GEN1: variants seen among roughly 807,000 people sequenced by gnomAD.
GEN1 encodes GEN1 structure-specific endonuclease, also known as flap endonuclease GEN homolog 1.
A neutral mutation model predicts 67.6 loss-of-function variants in GEN1; 64 were observed. The observed-to-expected ratio is 0.95, with a 90% CI of 0.77 to 1.17. The LOEUF (loss-of-function observed/expected upper bound fraction) is 1.17, where lower values mean the gene tolerates loss of function less well. Among genes scored for constraint, GEN1 ranks in the 50% most tolerant of loss-of-function variants. GEN1 has a pLI of 0.00. For synonymous variants in GEN1, 371 were observed against 359.4 expected (o/e 1.03, Z -0.37); for missense variants, 1,058 against 1,048.3 (o/e 1.01, Z -0.13).
chr2:17,770,833 CAG>C (rs1473093099), intron 6 of GEN1, among the ~76,000 whole-genome samples: 4 of 151,624 alleles, frequency 2.6e-5, no homozygotes, highest in Admixed American at 6.6e-5. Context: ...CTCTGGCACA[CAG>C]AGTCAGTCTG....
chr2:17,768,934 T>C (rs188253901), intron 6 of GEN1, 123 bp downstream of exon 6: 416 of 514,926 alleles, frequency 8.1e-4, no homozygotes, highest in African/African-American at 7.3e-3. Context: ...TGACCTATAT[T>C]TTGTTTGATT....
chr2:17,756,332 G>A lies in GEN1; in HGVS notation c.-16+1987G>A, dbSNP rs149253944. ...AGGTTTATAAAGTTATTTGCTATGT[G>A]TTGTTCTTACATCATTGATTCATGT... is the stretch of plus-strand genomic sequence containing the variant. On this transcript the variant is annotated intron_variant, in intron 1 of 13. Coordinates refer to ENST00000381254, the MANE Select transcript of GEN1 (RefSeq NM_001130009.3). Among the ~76,000 whole-genome samples the A allele has an allele frequency of 1.6e-3, 247 of 152,286 alleles. 1 individual carries two copies. The highest frequency in any genetic ancestry group is 2.4e-3 in the Non-Finnish European group (162 of 68,018).
At chr2:17,756,260 A>T (rs1363116495) in intron 1 of GEN1, among the ~76,000 whole-genome samples, 1 of 152,196 alleles carries the variant, frequency 6.6e-6, no homozygotes, top group Non-Finnish European at 1.5e-5. Context: ...ATGTGTTCTG[A>T]CTTTGTTGAT....
At chr2:17,766,190 C>T (rs1252638231) in intron 4 of GEN1, among the ~76,000 whole-genome samples, 4 of 151,994 alleles carry the variant, frequency 2.6e-5, no homozygotes, top group Non-Finnish European at 4.4e-5. Flanking sequence ...TTTTTTGAGA[C>T]GTAGTCTCAC....
chr2:17,771,466 A>G, intron 7 of GEN1, among the ~76,000 whole-genome samples, 179 bp downstream of exon 7: 2 of 152,176 alleles, frequency 1.3e-5, no homozygotes, highest in East Asian at 3.8e-4. Context: ...GTCACTCAGT[A>G]AATGTTTATT....
intron 4 of GEN1, among the ~76,000 whole-genome samples, chr2:17,765,470 G>T (rs1444423121): frequency 6.6e-6 from 1 of 152,202 alleles, no homozygotes; most frequent in Non-Finnish European, 1.5e-5. Context: ...TTGGCAAGCA[G>T]CCCGAGTGCT....
rs1449249434 is a variant in GEN1, at chr2:17,771,241, G to A, written c.756G>A (p.Leu252=). 6.2e-7 allele frequency: 1 copy of A among 1,612,034 alleles called. No individual in the cohort carries two copies. Among genetic ancestry groups the A allele is most frequent in the Admixed American group, 1.7e-5 (1 of 59,938 alleles). Residue 252 remains leucine (L), a synonymous_variant, in exon 7 of 14, where the codon CTG becomes CTA. Coordinates refer to ENST00000381254, the MANE Select transcript of GEN1 (RefSeq NM_001130009.3). The part of the protein sequence containing the change: ...NETSCNSSPQ[L]LVTKKLAHCS... ...CATCTTGTAACTCTAGTCCACAACT[G>A]CTAGTCACTAAAAAACTGGCTCATT...
chr2:17,781,412 G>T lies in GEN1; in HGVS notation c.2200G>T (p.Asp734Tyr). The change falls in exon 14 of 14, where the codon GAC (aspartate) becomes TAC (tyrosine). Residue 734 changes from aspartate to tyrosine, a missense_variant. Physicochemically the swap from Asp to Tyr is radical, Grantham distance 160. Coordinates refer to ENST00000381254, the MANE Select transcript of GEN1 (RefSeq NM_001130009.3). ...PGIPLQNESR[D>Y]SKILKGDQLL... ...AATTCCCTTGCAAAATGAATCCAGA[G>T]ACTCTAAAATTCTAAAAGGAGACCA... The T allele has an allele frequency of 1.2e-6, 2 of 1,613,658 alleles. No homozygotes were observed. Among genetic ancestry groups the T allele is most frequent in the South Asian group, 2.2e-5 (2 of 91,056 alleles).
intron 1 of GEN1, among the ~76,000 whole-genome samples, chr2:17,758,323 G>T (rs1041594757): frequency 6.6e-6 from 1 of 152,116 alleles, no homozygotes; most frequent in Non-Finnish European, 1.5e-5. Context: ...AATTGTCTTC[G>T]ATAGCAATCT....
chr2:17,782,002 G>T lies in GEN1; in HGVS notation c.*63G>T. 1.1e-6 allele frequency: 1 copy of T among 872,322 alleles called. No homozygotes were observed. 54.0% of individuals were successfully genotyped at this position (872,322 alleles called of 1,614,324 possible). A position where few individuals can be genotyped will look rare whatever the true frequency, so the allele number is the denominator to read the frequency against. On this transcript the variant is annotated 3_prime_UTR_variant, in exon 14 of 14. Coordinates refer to ENST00000381254, the MANE Select transcript of GEN1 (RefSeq NM_001130009.3). ...ACTATCAGCAATAGCAGAGACAGAGGGAAGGTATCTAGTTCATGTGTGGTA... is the reference window on the plus strand; with the variant it reads ...ACTATCAGCAATAGCAGAGACAGAGTGAAGGTATCTAGTTCATGTGTGGTA...
At position 17,780,921 on chromosome 2, in the gene GEN1, CCAATACCT is replaced by C; in HGVS notation, c.1712_1719del (p.Asn571IlefsTer3). On this transcript the variant is annotated frameshift_variant, in exon 14 of 14. Coordinates refer to ENST00000381254, the MANE Select transcript of GEN1 (RefSeq NM_001130009.3). LOFTEE classifies it low-confidence loss of function (END_TRUNC). ...TCTCTAATTTCAGAATCTAGTCAAC[CCAATACCT>C]CATCTCATAATATATCCGTGATTGC... 6.2e-7 allele frequency: 1 copy of C among 1,613,786 alleles called. No individual in the cohort carries two copies. Among genetic ancestry groups the C allele is most frequent in the Non-Finnish European group, 8.5e-7 (1 of 1,179,890 alleles).
intron 11 of GEN1, among the ~76,000 whole-genome samples, chr2:17,774,957 CAA>C (rs1270797531): frequency 3.3e-5 from 5 of 151,332 alleles, no homozygotes; most frequent in Non-Finnish European, 5.9e-5. Context: ...GGAAATTACT[CAA>C]AGAGACTAGA....
rs2125142179 is a variant in GEN1 at position 17,770,989 on chromosome 2, C to T, written c.711-207C>T. Reference sequence around the variant, plus strand: ...CACACACATATACTCTCTCTCCTGTCTTGCAGTTCTGCTGTCCTTGGGCCT... The same window carrying T: ...CACACACATATACTCTCTCTCCTGTTTTGCAGTTCTGCTGTCCTTGGGCCT... On this transcript the variant is annotated intron_variant, in intron 6 of 13. Transcript: ENST00000381254. 3 of 625,180 alleles carry T rather than the reference C, an allele frequency of 4.8e-6. No individual in the cohort carries two copies. The Admixed American group carries it at 6.4e-5, about 13-fold the overall frequency. The allele number at this position is 625,180 out of a possible 1,614,324, so 38.7% of individuals were successfully genotyped here.
intron 3 of GEN1, among the ~76,000 whole-genome samples, chr2:17,763,758 A>T (rs1195356136): frequency 6.6e-6 from 1 of 152,274 alleles, no homozygotes; most frequent in Non-Finnish European, 1.5e-5. Flanking sequence ...AGGTCGAAGC[A>T]ACACTGTCAC....
intron 11 of GEN1, among the ~76,000 whole-genome samples, chr2:17,775,102 T>G (rs1454105227): frequency 6.6e-6 from 1 of 152,204 alleles, no homozygotes; most frequent in Non-Finnish European, 1.5e-5. Context: ...TTTAAAACAG[T>G]CTGACAGGTT....
At position 17,786,532 on chromosome 2, in the gene GEN1, A is replaced by G. The variant is rs116655559; in HGVS notation, c.*4593A>G. Reference sequence around the variant, plus strand: ...AGGTTCTTAGGCTTTTCTATGTACAACAGCCAGCTGGAGGCCCAGTGAGTT... The same window carrying G: ...AGGTTCTTAGGCTTTTCTATGTACAGCAGCCAGCTGGAGGCCCAGTGAGTT... On this transcript the variant is annotated 3_prime_UTR_variant, in exon 14 of 14. Transcript: ENST00000381254. The G allele has an allele frequency of 2.6e-5, 4 of 152,288 alleles. No homozygotes were observed. Among genetic ancestry groups the G allele is most frequent in the African/African-American group, 9.6e-5 (4 of 41,574 alleles). The allele number at this position is 152,288 out of a possible 1,614,324, so 9.4% of individuals were successfully genotyped here.
intron 1 of GEN1, among the ~76,000 whole-genome samples, chr2:17,756,974 TTGA>T (rs1671459955): frequency 6.6e-6 from 1 of 152,220 alleles, no homozygotes; most frequent in Non-Finnish European, 1.5e-5. Flanking sequence ...TGGAAAACAA[TTGA>T]TGATGGAAAC....
Position 17,781,889 on chromosome 2 carries a change from A to T in GEN1, c.2677A>T (p.Ser893Cys). ...AAACAACTCTGGTACTTGTTTGGAT[A>T]GCCCTCTTCCTTTACGCCAGAGATT... Reference protein sequence around the residue: ...KENNSGTCLDSPLPLRQRLKL... With the variant: ...KENNSGTCLDCPLPLRQRLKL... Residue 893 changes from serine to cysteine, a missense_variant, in exon 14 of 14, where the codon AGC becomes TGC. By Grantham distance (112) the Ser-to-Cys change is moderately radical. Coordinates refer to ENST00000381254, the MANE Select transcript of GEN1 (RefSeq NM_001130009.3). 1 of 1,584,874 alleles carries T rather than the reference A, an allele frequency of 6.3e-7. No individual in the cohort carries two copies. Among genetic ancestry groups the T allele is most frequent in the African/African-American group, 1.4e-5 (1 of 72,976 alleles).
At chr2:17,771,143 G>A (rs909466486) in intron 6 of GEN1, 53 bp from the exon 7 acceptor site, 14 of 1,029,154 alleles carry the variant, frequency 1.4e-5, no homozygotes, top group African/African-American at 6.3e-5. Flanking sequence ...AGAACATACC[G>A]TTTTTGTGAC....
Sources: gnomAD v4.1 joint callset for allele counts (sites outside exome capture counted in the v4.1 genomes callset) on GRCh38, gnomAD v4.1.1 for gene constraint, MANE v1.5 for transcripts, NCBI Gene and HGNC (gene_info 2026-07-23, HGNC 2026-07-21) for gene names.